The following MACF1 variants were observed in gnomAD, a reference collection of about 807,000 sequenced individuals.
MACF1 encodes microtubule actin crosslinking factor 1.
MACF1 carries 193 observed loss-of-function variants against 854.8 expected under a neutral mutation model. The ratio of observed to expected loss-of-function variants is 0.23; its 90% confidence interval spans 0.20 to 0.25. The LOEUF (loss-of-function observed/expected upper bound fraction) is 0.25, where lower values mean the gene tolerates loss of function less well. Ranked by LOEUF, MACF1 falls within the 10% of genes least tolerant of loss-of-function variation. The pLI, the probability that MACF1 is intolerant of heterozygous loss-of-function variation, is 1.00. For synonymous variants in MACF1, 3,185 were observed against 3,226.7 expected (o/e 0.99, Z 0.44); for missense variants, 7,722 against 8,929.1 (o/e 0.86, Z 5.45).
intron 97 of MACF1, among the ~76,000 whole-genome samples, chr1:39,478,646 C>G (rs866491715): frequency 9.2e-5 from 14 of 152,134 alleles, no homozygotes; most frequent in African/African-American, 3.4e-4. Flanking sequence ...CTTATGCAAC[C>G]TGATTTAAAA....
chr1:39,258,842 G>C (rs1645125865), intron 6 of MACF1, among the ~76,000 whole-genome samples: 1 of 152,242 alleles, frequency 6.6e-6, no homozygotes, highest in Admixed American at 6.5e-5. Flanking sequence ...GCTACCTGCT[G>C]GTTAAAGATA....
chr1:39,311,576 C>A lies in MACF1; in HGVS notation c.3270+576C>A, dbSNP rs143978810. Among the ~76,000 whole-genome samples, 877 of 152,238 alleles carry A rather than the reference C, an allele frequency of 5.8e-3. 4 individuals carry two copies. Among genetic ancestry groups the A allele is most frequent in the Middle Eastern group, 0.014 (4 of 294 alleles). The stretch of plus-strand genomic sequence containing the variant: ...TACTATGAAAATGTAGGATAGTATT[C>A]TTGAAGTAAAAGTAGCAAATATTTT... On this transcript the variant is annotated intron_variant, in intron 26 of 100. Coordinates refer to ENST00000564288, the MANE Select transcript of MACF1 (RefSeq NM_001394062.1).
intron 2 of MACF1, among the ~76,000 whole-genome samples, chr1:39,145,334 T>C (rs1439580760): frequency 1.3e-5 from 2 of 152,232 alleles, no homozygotes; most frequent in Non-Finnish European, 2.9e-5. Context: ...AATTTATCTG[T>C]AGGCTTTACC....
Position 39,316,518 on chromosome 1 carries a change from T to C in MACF1, c.3577T>C (p.Ser1193Pro), listed in dbSNP as rs751454750. The C allele has an allele frequency of 2.8e-5, 45 of 1,613,338 alleles. No homozygotes were observed. Among genetic ancestry groups the C allele is most frequent in the Admixed American group, 1.3e-4 (8 of 59,960 alleles). ...TCTCTCAGCTCTGGAGGCCCATTGG[T>C]CGACATTACGGGTGAGTTGCTCTGA... The part of the protein sequence containing the change: ...ADLSALEAHW[S>P]TLRHWLSDVK... The change falls in exon 28 of 101, where the codon TCG becomes CCG. Residue 1193 changes from serine (S) to proline (P), a missense_variant. Coordinates refer to ENST00000564288, the MANE Select transcript of MACF1 (RefSeq NM_001394062.1).
At chr1:39,220,606 C>T (rs1644640307) in intron 1 of MACF1, among the ~76,000 whole-genome samples, 1 of 151,598 alleles carries the variant, frequency 6.6e-6, no homozygotes, top group Non-Finnish European at 1.5e-5. Flanking sequence ...CGTCAGCCTC[C>T]CGAGTAGCTG....
chr1:39,330,064 A>G lies in MACF1; in HGVS notation c.4615-1139A>G, dbSNP rs1646691017. On this transcript the variant is annotated intron_variant, in intron 36 of 100. Transcript: ENST00000564288. ...ACTAAAGATTCAAACAATTGTTTTC[A>G]TAGGATTACTGTGAGAATTAAATGT... is the stretch of plus-strand genomic sequence containing the variant. Among the ~76,000 whole-genome samples, 6 of 152,268 alleles carry G rather than the reference A, an allele frequency of 3.9e-5. No individual in the cohort carries two copies. The South Asian group carries it at 1.2e-3, about 31-fold the overall frequency.
chr1:39,213,346 A>T (rs962794027), intron 1 of MACF1, among the ~76,000 whole-genome samples: 65 of 151,840 alleles, frequency 4.3e-4, no homozygotes, highest in Non-Finnish European at 2.1e-4. Flanking sequence ...TTTATTTTTT[A>T]TTTTTGAGAG....
intron 33 of MACF1, 53 bp from the exon 34 acceptor site, chr1:39,324,140 C>A (rs1260689411): frequency 6.6e-7 from 1 of 1,522,824 alleles, no homozygotes; most frequent in African/African-American, 1.4e-5. Flanking sequence ...TGAAGTCGTG[C>A]CAGCCTAATA....
Position 39,222,896 on chromosome 1 carries a change from G to A in MACF1, c.110-8286G>A, listed in dbSNP as rs78403853. On this transcript the variant is annotated intron_variant, in intron 1 of 100. Transcript: ENST00000564288. The stretch of plus-strand genomic sequence containing the variant: ...ACTTGTTTTTTGAATGGTTCGTAAT[G>A]TACTGGGACTATGTGGGTAGGCTAT... Among the ~76,000 whole-genome samples, 33 of 152,274 alleles carry A rather than the reference G, an allele frequency of 2.2e-4. No homozygotes were observed. In the East Asian group the frequency reaches 6.4e-3, roughly 29 times the overall value.
chr1:39,358,002 C>T, intron 45 of MACF1, 109 bp downstream of exon 45: 1 of 1,113,922 alleles, frequency 9.0e-7, no homozygotes, highest in South Asian at 1.7e-5. Context: ...AGTAGGAGAG[C>T]TGATTTATAC....
intron 1 of MACF1, among the ~76,000 whole-genome samples, chr1:39,218,212 A>T (rs919220663): frequency 2.1e-5 from 3 of 144,776 alleles, no homozygotes; most frequent in Non-Finnish European, 4.5e-5. Flanking sequence ...AAAGCTTCCC[A>T]GATGATTTTG....
At chr1:39,116,380 G>GTGTGTA (rs1353146434) in intron 2 of MACF1, among the ~76,000 whole-genome samples, 1 of 123,818 alleles carries the variant, frequency 8.1e-6, no homozygotes, top group East Asian at 2.1e-4. Flanking sequence ...GAAGGGGTGA[G>GTGTGTA]TGTGTATGTG....
intron 2 of MACF1, among the ~76,000 whole-genome samples, chr1:39,114,992 A>T (rs367665855): frequency 1.1e-4 from 16 of 152,304 alleles, no homozygotes; most frequent in East Asian, 5.8e-4. Context: ...AATATTGGGC[A>T]TTGATAAGGT....
At chr1:39,237,104 G>A (rs1486793947) in intron 2 of MACF1, among the ~76,000 whole-genome samples, 3 of 152,136 alleles carry the variant, frequency 2.0e-5, no homozygotes, top group East Asian at 1.9e-4. Context: ...TGTAGCTTGC[G>A]CTATAGCCAC....
chr1:39,302,074 C>T (rs61783375), intron 22 of MACF1, among the ~76,000 whole-genome samples: 1 of 152,156 alleles, frequency 6.6e-6, no homozygotes, highest in East Asian at 1.9e-4. Context: ...TGGCTTACTG[C>T]AGCCTTGACC....
intron 24 of MACF1, among the ~76,000 whole-genome samples, 189 bp from the exon 25 acceptor site, chr1:39,310,056 G>A (rs1646269891): frequency 6.6e-6 from 1 of 152,160 alleles, no homozygotes; most frequent in Admixed American, 6.5e-5. Flanking sequence ...TGGTTCTGGG[G>A]TGCTGGTAAT....
chr1:39,406,738 C>CAAAAAAAAAAAAAAAAAAA (rs5773658), intron 58 of MACF1, among the ~76,000 whole-genome samples: 15 of 31,816 alleles, frequency 4.7e-4, no homozygotes, highest in African/African-American at 1.5e-3. Context: ...GAGTCTCACT[C>CAAAAAAAAAAAAAAAAAAA]AAAAAAAAAA....
At chr1:39,233,775 CTT>C (rs11286953) in intron 2 of MACF1, among the ~76,000 whole-genome samples, 452 of 36,554 alleles carry the variant, frequency 0.012, 17 homozygotes, top group Middle Eastern at 0.026. Flanking sequence ...CTAGCCATAG[CTT>C]TTTTTTTTTT....
rs1258090441 is a variant in MACF1 at position 39,335,411 on chromosome 1, A to G, written c.8823A>G (p.Glu2941=). The change falls in exon 37 of 101, where the codon GAA becomes GAG. Residue 2941 remains glutamate, a synonymous_variant. Transcript: ENST00000564288. ...DSEEIRENQG[E]VILEVQETYC... is the part of the protein sequence containing the mutation. ...AAGAAATAAGAGAAAATCAAGGGGAAGTGATTTTGGAAGTACAAGAAACAT... is the reference window on the plus strand; with the variant it reads ...AAGAAATAAGAGAAAATCAAGGGGAGGTGATTTTGGAAGTACAAGAAACAT... The G allele has an allele frequency of 3.1e-6, 5 of 1,614,186 alleles. No homozygotes were observed. The highest frequency in any genetic ancestry group is 1.1e-5 in the South Asian group (1 of 91,082).
Sources: allele counts gnomAD v4.1 joint callset (sites outside exome capture counted in the v4.1 genomes callset), GRCh38; gene constraint gnomAD v4.1.1; transcripts MANE v1.5; gene names NCBI Gene and HGNC (gene_info 2026-07-23, HGNC 2026-07-21).